The following AMOTL1 variants were observed in gnomAD, a reference collection of about 807,000 sequenced individuals.
The protein encoded by AMOTL1 is angiomotin-like protein 1.
Under a neutral mutation model 102.9 loss-of-function variants are expected in AMOTL1, and 45 were observed. The observed-to-expected ratio is 0.44, with a 90% CI of 0.34 to 0.56. AMOTL1 has a LOEUF of 0.56. AMOTL1 is among the 20% of genes least tolerant of loss of function. The pLI, the probability that AMOTL1 is intolerant of heterozygous loss-of-function variation, is 0.01. For missense variants in AMOTL1, 1,114 were observed against 1,225.6 expected (o/e 0.91, Z 1.36); for synonymous variants, 481 against 484.7 (o/e 0.99, Z 0.10).
intron 11 of AMOTL1, among the ~76,000 whole-genome samples, chr11:94,868,225 A>C (rs1253150317): frequency 6.6e-6 from 1 of 152,232 alleles, no homozygotes; most frequent in Non-Finnish European, 1.5e-5. Flanking sequence ...TGGGCACCTT[A>C]AAACAGCTCT....
At chr11:94,827,109 G>A (rs1316832445) in intron 4 of AMOTL1, among the ~76,000 whole-genome samples, 3 of 152,174 alleles carry the variant, frequency 2.0e-5, no homozygotes, top group Admixed American at 2.0e-4. Context: ...ATTTTGTCAT[G>A]GGCAAGGCAT....
chr11:94,795,927 C>G (rs537521596), intron 2 of AMOTL1, among the ~76,000 whole-genome samples: 1 of 152,184 alleles, frequency 6.6e-6, no homozygotes, highest in South Asian at 2.1e-4. Context: ...TCTTTACTTT[C>G]GTAACCCCAG....
upstream of AMOTL1, among the ~76,000 whole-genome samples, chr11:94,767,765 A>G (rs952396803): frequency 8.5e-5 from 13 of 152,066 alleles, no homozygotes; most frequent in South Asian, 2.1e-4. Flanking sequence ...ACTCAGGCAG[A>G]TAACAGCCTG....
At position 94,786,711 on chromosome 11, in the gene AMOTL1, C is replaced by T. The variant is rs186008027; in HGVS notation, c.50-8300C>T. ...ATTAACCTGTTTCAGCACTAGGTGGCTTTCTCTTTTTCCCCGCAACAGCTT... is the reference window on the plus strand; with the variant it reads ...ATTAACCTGTTTCAGCACTAGGTGGTTTTCTCTTTTTCCCCGCAACAGCTT... On this transcript the variant is annotated intron_variant, in intron 1 of 12. Coordinates refer to ENST00000433060, the MANE Select transcript of AMOTL1 (RefSeq NM_130847.3). 1.5e-3 allele frequency among the ~76,000 whole-genome samples: 223 copies of T among 152,278 alleles called. 3 individuals carry two copies. The highest frequency in any genetic ancestry group is 0.014 in the Admixed American group (219 of 15,304).
chr11:94,734,419 T>A (rs1950405181), intron 2 of AMOTL1, among the ~76,000 whole-genome samples: 1 of 152,248 alleles, frequency 6.6e-6, no homozygotes, highest in Non-Finnish European at 1.5e-5. Context: ...GGAAAGACTA[T>A]TAAATCCTAG....
At chr11:94,788,646 G>T (rs1177307626) in intron 1 of AMOTL1, among the ~76,000 whole-genome samples, 2 of 152,166 alleles carry the variant, frequency 1.3e-5, no homozygotes, top group Non-Finnish European at 2.9e-5. Context: ...GGGTAGTTGT[G>T]TGCACGTTGG....
At chr11:94,855,905 C>T (rs1428746588) in intron 8 of AMOTL1, among the ~76,000 whole-genome samples, 2 of 152,122 alleles carry the variant, frequency 1.3e-5, no homozygotes, top group Admixed American at 6.5e-5. Flanking sequence ...AATTGAGGCT[C>T]TCCCGGGAAA....
intron 1 of AMOTL1, among the ~76,000 whole-genome samples, chr11:94,707,423 CAG>C (rs1343627676): frequency 6.6e-6 from 1 of 152,002 alleles, no homozygotes; most frequent in Non-Finnish European, 1.5e-5. Context: ...TTGTTTATGA[CAG>C]AGGTGCCTAC....
At chr11:94,754,581 T>C (rs1950698556) in intron 3 of AMOTL1, among the ~76,000 whole-genome samples, 1 of 152,202 alleles carries the variant, frequency 6.6e-6, no homozygotes, top group African/African-American at 2.4e-5. Context: ...ACAAAGCTGT[T>C]ACACCATGCT....
chr11:94,839,659 C>T lies in AMOTL1; in HGVS notation c.1648+8118C>T, dbSNP rs1425353215. 3.3e-5 allele frequency among the ~76,000 whole-genome samples: 5 copies of T among 152,132 alleles called. No individual in the cohort carries two copies. In the East Asian group the frequency reaches 5.8e-4, roughly 18 times the overall value. ...CATTTTACAAAGAAGAAACTGCAAC[C>T]GGAGTGATCAAGTGTTTAATGGCTA... On this transcript the variant is annotated intron_variant, in intron 6 of 12. Coordinates refer to ENST00000433060, the MANE Select transcript of AMOTL1 (RefSeq NM_130847.3).
At chr11:94,794,934 G>A (rs1951338445) in intron 1 of AMOTL1, 77 bp from the exon 2 acceptor site, 5 of 1,447,660 alleles carry the variant, frequency 3.5e-6, no homozygotes, top group Non-Finnish European at 4.6e-6. Flanking sequence ...AGAATGCCTG[G>A]TGGGTTCTTG....
Position 94,866,150 on chromosome 11 carries a change from A to C in AMOTL1, c.2470A>C (p.Thr824Pro). ...QLAEEKKEEK[T>P]WKGSIGLLLG... ...GGCTGAGGAAAAGAAGGAAGAGAAG[A>C]CCTGGAAGGGGAGCATAGGTGAGCC... Residue 824 changes from threonine to proline, a missense_variant, in exon 11 of 13, where the codon ACC (threonine) becomes CCC (proline). Coordinates refer to ENST00000433060, the MANE Select transcript of AMOTL1 (RefSeq NM_130847.3). 6.2e-7 allele frequency: 1 copy of C among 1,613,994 alleles called. No individual in the cohort carries two copies. Among genetic ancestry groups the C allele is most frequent in the South Asian group, 1.1e-5 (1 of 91,082 alleles).
At chr11:94,749,190 G>A (rs1469143864) in intron 3 of AMOTL1, among the ~76,000 whole-genome samples, 1 of 152,198 alleles carries the variant, frequency 6.6e-6, no homozygotes, top group Non-Finnish European at 1.5e-5. Flanking sequence ...ACATGATGAT[G>A]TAACTCTCAG....
rs140909189 is a variant in AMOTL1, at chr11:94,807,725, G to A, written c.1121+7414G>A. Among the ~76,000 whole-genome samples, 7 of 152,136 alleles carry A rather than the reference G, an allele frequency of 4.6e-5. No homozygotes were observed. The East Asian group carries it at 1.3e-3, about 29-fold the overall frequency. The stretch of plus-strand genomic sequence containing the variant: ...AATATTTCGCTATGGATGGCTACAA[G>A]TTATGGAAGGTTGCATATGTCACTG... On this transcript the variant is annotated intron_variant, in intron 3 of 12. Transcript: ENST00000433060.
At chr11:94,711,441 T>C (rs938114471) in intron 1 of AMOTL1, among the ~76,000 whole-genome samples, 5 of 152,078 alleles carry the variant, frequency 3.3e-5, no homozygotes, top group African/African-American at 1.2e-4. Flanking sequence ...CCTTATCAGA[T>C]TTTATCAGCT....
At chr11:94,869,839 T>A (rs144911925) in intron 12 of AMOTL1, among the ~76,000 whole-genome samples, 17 of 152,226 alleles carry the variant, frequency 1.1e-4, no homozygotes, top group African/African-American at 3.4e-4. Context: ...AAGTTCACTG[T>A]TGCCTTCAGG....
chr11:94,828,436 A>T (rs571212249), intron 4 of AMOTL1, among the ~76,000 whole-genome samples: 2 of 152,080 alleles, frequency 1.3e-5, no homozygotes, highest in Non-Finnish European at 2.9e-5. Flanking sequence ...GTCTCTATAA[A>T]AACTTGGATG....
Position 94,770,009 on chromosome 11 carries a change from C to T in AMOTL1, c.49+1449C>T, listed in dbSNP as rs564490042. The stretch of plus-strand genomic sequence containing the variant: ...TAATAGCTACAGTTCCAGAAAATTT[C>T]CTTCCTTTTCGGGAAGCAAAAAGTC... On this transcript the variant is annotated intron_variant, in intron 1 of 12. Coordinates refer to ENST00000433060, the MANE Select transcript of AMOTL1 (RefSeq NM_130847.3). Among the ~76,000 whole-genome samples the T allele has an allele frequency of 9.9e-5, 15 of 152,280 alleles. No homozygotes were observed. The South Asian group carries it at 3.1e-3, about 32-fold the overall frequency.
chr11:94,760,383 A>G (rs1013418691), intron 3 of AMOTL1, among the ~76,000 whole-genome samples: 3 of 152,234 alleles, frequency 2.0e-5, no homozygotes, highest in African/African-American at 7.2e-5. Flanking sequence ...TAAAGGAGAC[A>G]AGTAACATTC....
Sources: gnomAD v4.1 joint callset for allele counts (sites outside exome capture counted in the v4.1 genomes callset) on GRCh38, gnomAD v4.1.1 for gene constraint, MANE v1.5 for transcripts, NCBI Gene and HGNC (gene_info 2026-07-23, HGNC 2026-07-21) for gene names.